GABRB2: variants seen among roughly 807,000 people sequenced by gnomAD.
The protein encoded by GABRB2 is gamma-aminobutyric acid type A receptor subunit beta2.
GABRB2 carries 16 observed loss-of-function variants against 54.7 expected under a neutral mutation model. The ratio of observed to expected loss-of-function variants is 0.29; its 90% CI spans 0.20 to 0.44. The LOEUF is 0.44. Ranked by LOEUF, GABRB2 falls within the 20% of genes least tolerant of loss-of-function variation. GABRB2 has a pLI of 1.00. For synonymous variants in GABRB2, 244 were observed against 233.8 expected, an observed-to-expected ratio of 1.04 and a Z score of -0.40; for missense variants, 355 against 644.0, an observed-to-expected ratio of 0.55 and a Z score of 4.86.
chr5:161,501,441 T>C (rs1457340180), intron 3 of GABRB2, among the ~76,000 whole-genome samples: 1 of 152,202 alleles, frequency 6.6e-6, no homozygotes, highest in South Asian at 2.1e-4. Context: ...TGCTTTATTT[T>C]TGAAGTTGTT....
At chr5:161,423,480 C>A (rs941948906) in intron 4 of GABRB2, among the ~76,000 whole-genome samples, 3 of 152,102 alleles carry the variant, frequency 2.0e-5, no homozygotes, top group African/African-American at 7.2e-5. Context: ...TACAATATTT[C>A]AAACTTTTCA....
chr5:161,388,340 A>G (rs1755710310), intron 5 of GABRB2, among the ~76,000 whole-genome samples: 1 of 152,128 alleles, frequency 6.6e-6, no homozygotes, highest in South Asian at 2.1e-4. Flanking sequence ...TTAATCTGTT[A>G]GTATATTAAA....
At chr5:161,298,916 T>C (rs1757459002) in intron 9 of GABRB2, among the ~76,000 whole-genome samples, 1 of 152,136 alleles carries the variant, frequency 6.6e-6, no homozygotes, top group Non-Finnish European at 1.5e-5. Flanking sequence ...TACAAGTTTA[T>C]GTACTGAATA....
At chr5:161,392,458 C>T (rs1755859303) in intron 5 of GABRB2, among the ~76,000 whole-genome samples, 2 of 152,178 alleles carry the variant, frequency 1.3e-5, no homozygotes, top group Admixed American at 6.6e-5. Context: ...GGCTCAGACT[C>T]AGGTATCATG....
At chr5:161,459,293 A>T (rs1758052474) in intron 4 of GABRB2, 1 of 313,218 alleles carries the variant, frequency 3.2e-6, no homozygotes, top group South Asian at 3.5e-5. Context: ...ATATTCAAAC[A>T]ATTAGTTGGC....
At chr5:161,498,333 C>T (rs1759320200) in intron 3 of GABRB2, among the ~76,000 whole-genome samples, 1 of 126,534 alleles carries the variant, frequency 7.9e-6, no homozygotes. Context: ...AAAGTTGAGA[C>T]AGAGTCAAAA....
At chr5:161,308,956 G>A (rs1757780245) in intron 9 of GABRB2, among the ~76,000 whole-genome samples, 1 of 152,178 alleles carries the variant, frequency 6.6e-6, no homozygotes, top group South Asian at 2.1e-4. Flanking sequence ...CACAGTCAAA[G>A]ACTTCATGAT....
chr5:161,398,670 G>GT (rs141573028), intron 5 of GABRB2, among the ~76,000 whole-genome samples: 26,273 of 147,862 alleles, frequency 0.18, 3,233 homozygotes, highest in African/African-American at 0.35. Context: ...TTGTTTGTCT[G>GT]TTTTTTTTGT....
Position 161,289,078 on chromosome 5 carries a change from T to A in GABRB2, c.*5003A>T, listed in dbSNP as rs1757162840. On this transcript the variant is annotated 3_prime_UTR_variant, in exon 10 of 10. Coordinates refer to ENST00000393959, the MANE Select transcript of GABRB2 (RefSeq NM_001371727.1). ...ATTTGGTTTGGGAACTCAAAGGACATACAGTTTTGTTTTTCATCATTTGAA... is the reference window on the plus strand; with the variant it reads ...ATTTGGTTTGGGAACTCAAAGGACAAACAGTTTTGTTTTTCATCATTTGAA... 2 of 152,116 alleles carry A rather than the reference T, an allele frequency of 1.3e-5. No individual in the cohort carries two copies. 9.4% of individuals were successfully genotyped at this position (152,116 alleles called of 1,614,324 possible). A position where few individuals can be genotyped will look rare whatever the true frequency, so the allele number is the denominator to read the frequency against.
chr5:161,504,122 T>C (rs1222934731), intron 3 of GABRB2, among the ~76,000 whole-genome samples: 1 of 152,122 alleles, frequency 6.6e-6, no homozygotes, highest in Non-Finnish European at 1.5e-5. Context: ...TTTTAACAAC[T>C]ATCTCTCAGC....
At chr5:161,321,736 C>A (rs1369606355) in intron 9 of GABRB2, among the ~76,000 whole-genome samples, 1 of 152,038 alleles carries the variant, frequency 6.6e-6, no homozygotes, top group African/African-American at 2.4e-5. Context: ...ATACTGAAAC[C>A]TAACTTTTTT....
In GABRB2 at chr5:161,295,495, A is replaced by G. The variant is rs183584116; in HGVS notation, c.1192-1067T>C. ...TTATTTTGGTAGATAATCAAGATATACCAATTACCAGTAAAATTTCTGAAA... is the reference window on the plus strand; with the variant it reads ...TTATTTTGGTAGATAATCAAGATATGCCAATTACCAGTAAAATTTCTGAAA... On this transcript the variant is annotated intron_variant, in intron 9 of 9. Coordinates refer to ENST00000393959, the MANE Select transcript of GABRB2 (RefSeq NM_001371727.1). Among the ~76,000 whole-genome samples, 559 of 152,320 alleles carry G rather than the reference A, an allele frequency of 3.7e-3. 3 individuals are homozygous for G. Among genetic ancestry groups the G allele is most frequent in the African/African-American group, 0.013 (525 of 41,570 alleles).
At position 161,350,646 on chromosome 5, in the gene GABRB2, T is replaced by C. The variant is rs555993370; in HGVS notation, c.542-13877A>G. ...TCTGTGAGGGCGTTGCCAAAGGAGA[T>C]TAACATTTGAGTCAGTAGGCTGGGA... On this transcript the variant is annotated intron_variant, in intron 5 of 9. Coordinates refer to ENST00000393959, the MANE Select transcript of GABRB2 (RefSeq NM_001371727.1). Among the ~76,000 whole-genome samples, 9 of 152,166 alleles carry C rather than the reference T, an allele frequency of 5.9e-5. No individual in the cohort carries two copies. In the East Asian group the frequency reaches 9.7e-4, roughly 16 times the overall value.
rs763166019 is a variant in GABRB2, at chr5:161,364,813, T to C, written c.542-28044A>G. 7.0e-4 allele frequency among the ~76,000 whole-genome samples: 107 copies of C among 152,260 alleles called. 1 individual carries two copies. The highest frequency in any genetic ancestry group is 1.4e-3 in the Non-Finnish European group (96 of 67,992). ...TTTCTTACAAATTCATTTTAAATTA[T>C]TGAATAATTTTTATATTATTTAAAA... On this transcript the variant is annotated intron_variant, in intron 5 of 9. Transcript: ENST00000393959.
At chr5:161,485,583 A>G (rs988446707) in intron 3 of GABRB2, among the ~76,000 whole-genome samples, 1 of 151,928 alleles carries the variant, frequency 6.6e-6, no homozygotes, top group African/African-American at 2.4e-5. Context: ...GTCCAAAAGC[A>G]TCCATTTGTA....
At chr5:161,436,829 G>A (rs1580984908) in intron 4 of GABRB2, among the ~76,000 whole-genome samples, 1 of 152,110 alleles carries the variant, frequency 6.6e-6, no homozygotes, top group East Asian at 1.9e-4. Flanking sequence ...TGGTTGCTGG[G>A]GAAGGGAGAA....
At chr5:161,486,348 G>T (rs1389311697) in intron 3 of GABRB2, among the ~76,000 whole-genome samples, 1 of 151,894 alleles carries the variant, frequency 6.6e-6, no homozygotes, top group Non-Finnish European at 1.5e-5. Context: ...CACAGAGTTT[G>T]GTCTGTACAT....
intron 5 of GABRB2, among the ~76,000 whole-genome samples, chr5:161,397,529 T>C (rs2113065684): frequency 6.6e-6 from 1 of 152,276 alleles, no homozygotes; most frequent in Non-Finnish European, 1.5e-5. Context: ...TGGCTTTGTG[T>C]CTTAATTAAA....
intron 5 of GABRB2, among the ~76,000 whole-genome samples, chr5:161,405,497 A>G (rs1756324540): frequency 6.6e-6 from 1 of 152,058 alleles, no homozygotes; most frequent in African/African-American, 2.4e-5. Context: ...AAGCTAAGTG[A>G]CCTGTTTAGC....
Sources: gnomAD v4.1 joint callset for allele counts (sites outside exome capture counted in the v4.1 genomes callset) on GRCh38, gnomAD v4.1.1 for gene constraint, MANE v1.5 for transcripts, NCBI Gene and HGNC (gene_info 2026-07-23, HGNC 2026-07-21) for gene names.